Variants in TRAF3IP1 observed in about 807,000 individuals in gnomAD.
The protein encoded by TRAF3IP1 is intraflagellar transport 54, also known as TRAF3-interacting protein 1.
A neutral mutation model predicts 89.9 loss-of-function variants in TRAF3IP1; 53 were observed. The observed-to-expected ratio is 0.59, with a 90% confidence interval of 0.47 to 0.74. The LOEUF is 0.74. Among genes scored for constraint, TRAF3IP1 ranks in the 30% least tolerant of loss-of-function variants. The pLI, the probability that TRAF3IP1 is intolerant of heterozygous loss-of-function variation, is 0.00. For missense variants in TRAF3IP1, 806 were observed against 866.1 expected, an observed-to-expected ratio of 0.93 and a Z score of 0.87; for synonymous variants, 311 against 322.1, an observed-to-expected ratio of 0.97 and a Z score of 0.37.
chr2:238,346,653 C>T lies in TRAF3IP1; in HGVS notation c.1262-802C>T, dbSNP rs557056592. ...CTCACAATAACCCAGGCTGATTTCT[C>T]GAGGCTGCATGAACTGTTCCTGTCT... On this transcript the variant is annotated intron_variant, in intron 9 of 16. Transcript: ENST00000373327. 7.2e-5 allele frequency among the ~76,000 whole-genome samples: 11 copies of T among 152,312 alleles called. No homozygotes were observed. The East Asian group carries it at 2.1e-3, about 29-fold the overall frequency.
chr2:238,365,859 A>C (rs995418803), intron 15 of TRAF3IP1, among the ~76,000 whole-genome samples: 1 of 152,134 alleles, frequency 6.6e-6, no homozygotes, highest in Non-Finnish European at 1.5e-5. Flanking sequence ...TATGTTCCCA[A>C]GTAAAATCTC....
intron 15 of TRAF3IP1, among the ~76,000 whole-genome samples, chr2:238,359,815 C>T (rs1385305248): frequency 6.6e-6 from 1 of 152,032 alleles, no homozygotes; most frequent in African/African-American, 2.4e-5. Flanking sequence ...AGTACCAAAC[C>T]CTGTATATAC....
rs1317787157 is a variant in TRAF3IP1 at position 238,351,646 on chromosome 2, G to A, written c.1452-1181G>A. 1.3e-5 allele frequency among the ~76,000 whole-genome samples: 2 copies of A among 152,160 alleles called. No homozygotes were observed. The highest frequency in any genetic ancestry group is 1.3e-4 in the Admixed American group (2 of 15,292). ...ACGGGAGCCTGGACTTCCTGGTACTGACAGAGCAGCGGGTTCGAAGTGAGG... is the reference window on the plus strand; with the variant it reads ...ACGGGAGCCTGGACTTCCTGGTACTAACAGAGCAGCGGGTTCGAAGTGAGG... On this transcript the variant is annotated intron_variant, in intron 12 of 16. Coordinates refer to ENST00000373327, the MANE Select transcript of TRAF3IP1 (RefSeq NM_015650.4). The surrounding 1 kb of genome is among the most constrained non-coding windows in gnomAD (Gnocchi z 5.2).
intron 14 of TRAF3IP1, among the ~76,000 whole-genome samples, chr2:238,355,526 G>A (rs1288902044): frequency 6.6e-6 from 1 of 152,250 alleles, no homozygotes; most frequent in Non-Finnish European, 1.5e-5. Flanking sequence ...CGTTTATTCA[G>A]TCAGCCTCGG....
chr2:238,381,262 G>A (rs11676813), intron 15 of TRAF3IP1, among the ~76,000 whole-genome samples: 1 of 151,802 alleles, frequency 6.6e-6, no homozygotes, highest in Non-Finnish European at 1.5e-5. Flanking sequence ...TAAAAATGGG[G>A]CAAAAACCAG....
intron 15 of TRAF3IP1, among the ~76,000 whole-genome samples, chr2:238,378,831 C>CT (rs1387960990): frequency 6.6e-6 from 1 of 152,174 alleles, no homozygotes; most frequent in East Asian, 1.9e-4. Flanking sequence ...GGTCAGAAGC[C>CT]TCTTACCATC....
chr2:238,340,532 C>A (rs1368924611), intron 8 of TRAF3IP1, among the ~76,000 whole-genome samples: 1 of 152,060 alleles, frequency 6.6e-6, no homozygotes, highest in Non-Finnish European at 1.5e-5. Context: ...ATTTCTTTTT[C>A]AAAACATGAA....
chr2:238,377,885 G>A (rs906330742), intron 15 of TRAF3IP1, among the ~76,000 whole-genome samples: 3 of 152,036 alleles, frequency 2.0e-5, no homozygotes, highest in African/African-American at 7.3e-5. Flanking sequence ...GAGTATTCAG[G>A]CTTTTTAAAA....
intron 2 of TRAF3IP1, 129 bp from the exon 3 acceptor site, chr2:238,325,680 G>C (rs1284352771): frequency 1.1e-6 from 1 of 937,096 alleles, no homozygotes; most frequent in Non-Finnish European, 1.6e-6. Flanking sequence ...AGTATTTCTA[G>C]ATTTGTTATA....
At chr2:238,361,156 C>G (rs924774073) in intron 15 of TRAF3IP1, among the ~76,000 whole-genome samples, 11 of 151,588 alleles carry the variant, frequency 7.3e-5, no homozygotes, top group African/African-American at 2.7e-4. Context: ...AAGTGATCCT[C>G]CCACCTCAGT....
At chr2:238,387,104 G>C (rs1700805424) in intron 15 of TRAF3IP1, among the ~76,000 whole-genome samples, 1 of 152,178 alleles carries the variant, frequency 6.6e-6, no homozygotes, top group African/African-American at 2.4e-5. Flanking sequence ...TGCTAGGTTA[G>C]GAAAATGAGG....
At chr2:238,360,270 T>A (rs1032745681) in intron 15 of TRAF3IP1, among the ~76,000 whole-genome samples, 16 of 152,220 alleles carry the variant, frequency 1.1e-4, no homozygotes, top group African/African-American at 3.9e-4. Context: ...GATAGGACTG[T>A]TGTACCTAGA....
At chr2:238,393,795 G>A (rs1701095392) in intron 15 of TRAF3IP1, among the ~76,000 whole-genome samples, 1 of 152,186 alleles carries the variant, frequency 6.6e-6, no homozygotes. Flanking sequence ...GTCAAAGATT[G>A]CTTGGGCATA....
chr2:238,321,602 G>A (rs960745723), intron 1 of TRAF3IP1, among the ~76,000 whole-genome samples: 146 of 152,288 alleles, frequency 9.6e-4, no homozygotes, highest in Admixed American at 9.4e-3. Context: ...CATGGCTCTG[G>A]TGATCTGCAC....
chr2:238,348,727 T>C (rs2106392324), intron 10 of TRAF3IP1, 37 bp from the exon 11 acceptor site: 2 of 1,564,264 alleles, frequency 1.3e-6, no homozygotes, highest in South Asian at 1.1e-5. Flanking sequence ...ATGTGTGTTT[T>C]CCTTTGTGAA....
chr2:238,327,124 C>T (rs908395488), intron 3 of TRAF3IP1, among the ~76,000 whole-genome samples: 1 of 152,212 alleles, frequency 6.6e-6, no homozygotes, highest in South Asian at 2.1e-4. Flanking sequence ...CATATCTGAG[C>T]CCTCCATTCC....
In TRAF3IP1 at chr2:238,398,948, C is replaced by CTTTAA. The variant is rs772824385; in HGVS notation, c.*29_*30insTTTAA. ...CTCAAAAGTTTCAGAGATGAAAAGT[C>CTTTAA]ACCTCAGTTTAAAAGCAAAAAGGAA... On this transcript the variant is annotated 3_prime_UTR_variant, in exon 17 of 17. Transcript: ENST00000373327. 8.5e-5 allele frequency: 134 copies of CTTTAA among 1,569,418 alleles called. No individual in the cohort carries two copies. The highest frequency in any genetic ancestry group is 8.6e-5 in the Non-Finnish European group (100 of 1,163,044).
intron 8 of TRAF3IP1, 83 bp from the exon 9 acceptor site, chr2:238,344,414 T>C (rs1327286118): frequency 1.3e-5 from 13 of 1,037,812 alleles, no homozygotes; most frequent in Non-Finnish European, 1.9e-5. Context: ...GATAAGTAAG[T>C]GTGCTCTATG....
rs745671169 is a variant in TRAF3IP1, at chr2:238,352,881, C to A, written c.1506C>A (p.Asp502Glu). ...SNVITESHNS[D>E]NEEDDQFVVE... Reference sequence around the variant, plus strand: ...TGATTACAGAGTCACACAATTCTGACAATGAAGAGGATGATCAATTTGTGG... The same window carrying A: ...TGATTACAGAGTCACACAATTCTGAAAATGAAGAGGATGATCAATTTGTGG... The change falls in exon 13 of 17, where the codon GAC becomes GAA. Residue 502 changes from aspartate to glutamate, a missense_variant. Transcript: ENST00000373327. 6.8e-6 allele frequency: 11 copies of A among 1,613,764 alleles called. No homozygotes were observed. The South Asian group carries it at 1.2e-4, about 18-fold the overall frequency.
Sources: gnomAD v4.1 joint callset for allele counts (sites outside exome capture counted in the v4.1 genomes callset) on GRCh38, gnomAD v4.1.1 for gene constraint, Gnocchi (gnomAD v3.1) non-coding constraint, MANE v1.5 for transcripts, NCBI Gene and HGNC (gene_info 2026-07-23, HGNC 2026-07-21) for gene names.